Variants in SART1 observed in about 807,000 individuals in gnomAD.
The protein encoded by SART1 is U4/U6.U5 tri-snRNP-associated protein 1.
Under a neutral mutation model 105.0 loss-of-function variants are expected in SART1, and 28 were observed. That is an observed-to-expected ratio of 0.27 (90% CI 0.20 to 0.37). The LOEUF (loss-of-function observed/expected upper bound fraction) is 0.37. Among genes scored for constraint, SART1 ranks in the 10% least tolerant of loss-of-function variants. The probability of loss-of-function intolerance (pLI) is 1.00; values close to 1 mark genes in which losing one functional copy is unlikely to be tolerated. For synonymous variants in SART1, 472 were observed against 462.9 expected (o/e 1.02, Z -0.25); for missense variants, 894 against 1,106.5 (o/e 0.81, Z 2.72).
rs747305088 is a variant in SART1 at position 65,965,697 on chromosome 11, C to T, written c.661-5C>T. ...AGTCCTAGGTCACCCCTCCCTGTCC[C>T]GTAGGCCAAGTTACTGGAGGAGATG... On this transcript the variant is annotated splice_polypyrimidine_tract_variant and splice_region_variant and intron_variant, in intron 5 of 19. Coordinates refer to ENST00000312397, the MANE Select transcript of SART1 (RefSeq NM_005146.5). The T allele has an allele frequency of 3.7e-6, 6 of 1,613,184 alleles. No homozygotes were observed. Among genetic ancestry groups the T allele is most frequent in the Middle Eastern group, 1.7e-4 (1 of 5,992 alleles).
At chr11:65,977,699 T>C (rs1855510945) in intron 16 of SART1, 46 bp downstream of exon 16, 1 of 1,613,330 alleles carries the variant, frequency 6.2e-7, no homozygotes, top group African/African-American at 1.3e-5. Flanking sequence ...CTGTGCCAGC[T>C]TGGAGCTTCG....
chr11:65,968,493 G>A (rs1036140295), intron 12 of SART1, among the ~76,000 whole-genome samples: 2 of 152,146 alleles, frequency 1.3e-5, no homozygotes, highest in Admixed American at 6.5e-5. Context: ...TGCAGGAACG[G>A]TAATTTCTGA....
At chr11:65,964,668 T>C (rs1855211339) in intron 3 of SART1, 98 bp downstream of exon 3, 3 of 1,231,494 alleles carry the variant, frequency 2.4e-6, no homozygotes, top group Non-Finnish European at 3.4e-6. Flanking sequence ...CACTGTTTAG[T>C]GGTCTTACAC....
chr11:65,967,182 A>G, intron 9 of SART1, 77 bp from the exon 10 acceptor site: 1 of 1,563,812 alleles, frequency 6.4e-7, no homozygotes, highest in Non-Finnish European at 8.7e-7. Context: ...ACACCAAAGA[A>G]GTGTTCACCC....
chr11:65,966,617 C>G, intron 9 of SART1, 61 bp downstream of exon 9: 1 of 1,422,078 alleles, frequency 7.0e-7, no homozygotes, highest in Non-Finnish European at 9.2e-7. Flanking sequence ...GGGCTCCTGC[C>G]CTGCCCGCAG....
Position 65,978,792 on chromosome 11 carries a change from G to C in SART1, c.2263-1G>C. ...CTTTCTGAGTGGCCCCGACCCCTCA[G>C]CTCCTGAAGAAGATGAGCTCCAGCG... On this transcript the variant is annotated splice_acceptor_variant, in intron 18 of 19. Transcript: ENST00000312397. LOFTEE classifies it high-confidence loss of function. The surrounding 1 kb of genome is among the most constrained non-coding windows in gnomAD (Gnocchi z 6.8). 6.2e-7 allele frequency: 1 copy of C among 1,614,002 alleles called. No homozygotes were observed. Among genetic ancestry groups the C allele is most frequent in the Non-Finnish European group, 8.5e-7 (1 of 1,179,944 alleles).
rs371636508 is a variant in SART1, at chr11:65,970,026, A to G, written c.1572+2205A>G. 6.6e-5 allele frequency among the ~76,000 whole-genome samples: 10 copies of G among 152,284 alleles called. No individual in the cohort carries two copies. The East Asian group carries it at 1.3e-3, about 21-fold the overall frequency. The stretch of plus-strand genomic sequence containing the variant: ...CATGAACCACCACACCCGGCCACCT[A>G]GAAGGTTTTTTAAACATATGAGCCA... On this transcript the variant is annotated intron_variant, in intron 12 of 19. Coordinates refer to ENST00000312397, the MANE Select transcript of SART1 (RefSeq NM_005146.5).
chr11:65,964,955 C>T, intron 3 of SART1, 137 bp from the exon 4 acceptor site: 1 of 1,132,194 alleles, frequency 8.8e-7, no homozygotes, highest in Non-Finnish European at 1.2e-6. Flanking sequence ...GAAGTGGGAG[C>T]AGGGAGGTGA....
chr11:65,974,708 T>A (rs924657228), intron 12 of SART1, among the ~76,000 whole-genome samples: 1 of 151,708 alleles, frequency 6.6e-6, no homozygotes, highest in East Asian at 1.9e-4. Flanking sequence ...GCATTAGATA[T>A]ACCTCGTTTT....
chr11:65,966,035 G>T (rs1478777158), intron 7 of SART1, 41 bp from the exon 8 acceptor site: 4 of 1,613,924 alleles, frequency 2.5e-6, no homozygotes, highest in Admixed American at 3.3e-5. Context: ...CTGCTGAGTT[G>T]CGGACAAGTG....
intron 1 of SART1, 129 bp downstream of exon 1, chr11:65,962,222 T>G: frequency 2.9e-6 from 2 of 688,762 alleles, no homozygotes; most frequent in Non-Finnish European, 4.4e-6. Flanking sequence ...CCAGCTCTAT[T>G]AAATAGTCTT....
Position 65,964,526 on chromosome 11 carries a change from C to T in SART1, c.383C>T (p.Ala128Val). The T allele has an allele frequency of 1.2e-6, 2 of 1,613,234 alleles. No homozygotes were observed. The highest frequency in any genetic ancestry group is 4.5e-5 in the East Asian group (2 of 44,870). Residue 128 changes from alanine to valine, a missense_variant, in exon 3 of 20, where the codon GCA (alanine) becomes GTA (valine). By Grantham distance (64) the Ala-to-Val change is moderately conservative. Around this residue, in one of 2 missense-constraint regions of SART1, gnomAD observed 712 missense variants for 778.2 expected, o/e 0.91. Coordinates refer to ENST00000312397, the MANE Select transcript of SART1 (RefSeq NM_005146.5). ...LSIEETNKLR[A>V]KLGLKPLEVN... ...TCTCTTGTTGTCAGCAAACTCCGGG[C>T]AAAGTTGGGGCTGAAACCCTTGGAG...
intron 15 of SART1, 103 bp downstream of exon 15, chr11:65,977,204 C>A: frequency 1.2e-6 from 1 of 820,784 alleles, no homozygotes; most frequent in Non-Finnish European, 2.0e-6. Context: ...CTCTCAGTCC[C>A]AATGCTGGAG....
At chr11:65,962,134 G>GGGGGGGGGGGGGGCCCC in intron 1 of SART1, 41 bp downstream of exon 1, 1 of 378,092 alleles carries the variant, frequency 2.6e-6, no homozygotes. Context: ...GTCGGGCGGG[G>GGGGGGGGGGGGGGCCCC]GTCCCGGAAC....
At chr11:65,974,393 C>CAAAAA (rs1855442037) in intron 12 of SART1, among the ~76,000 whole-genome samples, 2 of 87,994 alleles carry the variant, frequency 2.3e-5, no homozygotes, top group Admixed American at 1.5e-4. Context: ...AAAAAAAAAC[C>CAAAAA]ATATCAGCCG....
At chr11:65,973,419 G>A (rs1250918932) in intron 12 of SART1, among the ~76,000 whole-genome samples, 1 of 152,150 alleles carries the variant, frequency 6.6e-6, no homozygotes, top group Non-Finnish European at 1.5e-5. Context: ...AAAATACCCG[G>A]TGAATCCAGT....
At chr11:65,973,269 T>C (rs1855418233) in intron 12 of SART1, among the ~76,000 whole-genome samples, 1 of 151,948 alleles carries the variant, frequency 6.6e-6, no homozygotes, top group African/African-American at 2.4e-5. Context: ...AAAGAGAAGA[T>C]ATTTGCCCAT....
chr11:65,964,370 C>A, intron 2 of SART1, 145 bp from the exon 3 acceptor site: 3 of 999,910 alleles, frequency 3.0e-6, no homozygotes, highest in Non-Finnish European at 4.6e-6. Context: ...AGGCCAGGGC[C>A]CTTCCCAGTG....
chr11:65,964,391 C>T, intron 2 of SART1, 124 bp from the exon 3 acceptor site: 2 of 1,193,240 alleles, frequency 1.7e-6, no homozygotes, highest in South Asian at 2.5e-5. Flanking sequence ...TCCTAGGCTG[C>T]CTGGGGCAGA....
Sources: allele counts gnomAD v4.1 joint callset (sites outside exome capture counted in the v4.1 genomes callset), GRCh38; gene constraint gnomAD v4.1.1; regional missense constraint gnomAD v4.1.1; non-coding constraint Gnocchi (gnomAD v3.1); transcripts MANE v1.5; gene names NCBI Gene and HGNC (gene_info 2026-07-23, HGNC 2026-07-21).